The following EFCC1 variants were observed in gnomAD, a reference collection of about 807,000 sequenced individuals.
The protein encoded by EFCC1 is EF-hand and coiled-coil domain containing 1.
In EFCC1, 50 loss-of-function variants were observed where a neutral mutation model predicts 52.1. The ratio of observed to expected loss-of-function variants is 0.96; its 90% CI spans 0.76 to 1.21. The LOEUF is 1.21. Among genes scored for constraint, EFCC1 ranks in the 50% most tolerant of loss-of-function variants. EFCC1 has a pLI of 0.00. For synonymous variants in EFCC1, 399 were observed against 396.5 expected (o/e 1.01, Z -0.08); for missense variants, 837 against 867.3 (o/e 0.97, Z 0.44).
At position 129,031,714 on chromosome 3, in the gene EFCC1, G is replaced by A. The variant is rs900314; in HGVS notation, c.1138+854G>A. ...CAGCTGTCTGGACCCCTGGCCCTGC[G>A]TTGCTCTACAGTGATTCACTTCACA... On this transcript the variant is annotated intron_variant, in intron 3 of 7. Coordinates refer to ENST00000683648, the MANE Select transcript of EFCC1 (RefSeq NM_001377500.1). Among the ~76,000 whole-genome samples, 157 of 152,302 alleles carry A rather than the reference G, an allele frequency of 1.0e-3. 1 individual carries two copies. In the South Asian group the frequency reaches 0.023, roughly 22 times the overall value.
chr3:129,033,181 T>G (rs1419636347), intron 4 of EFCC1, among the ~76,000 whole-genome samples: 1 of 152,186 alleles, frequency 6.6e-6, no homozygotes, highest in African/African-American at 2.4e-5. Context: ...CGTGGCTGGC[T>G]TTAATTCCCA....
At chr3:129,002,494 C>A in intron 1 of EFCC1, 170 bp downstream of exon 1, 1 of 1,273,622 alleles carries the variant, frequency 7.9e-7, no homozygotes, top group Non-Finnish European at 1.0e-6. Flanking sequence ...CTGTTCCTCC[C>A]CATTCCACTC....
chr3:129,004,140 C>T, intron 2 of EFCC1, 63 bp downstream of exon 2: 1 of 1,394,526 alleles, frequency 7.2e-7, no homozygotes, highest in Non-Finnish European at 9.3e-7. Flanking sequence ...TCCCAAACTT[C>T]GGGTGTGCAA....
In EFCC1 at chr3:129,036,365, G is replaced by A. The variant is rs116215047; in HGVS notation, c.1453-612G>A. Among the ~76,000 whole-genome samples, 1,367 of 152,356 alleles carry A rather than the reference G, an allele frequency of 9.0e-3. 8 individuals carry two copies. The highest frequency in any genetic ancestry group is 0.014 in the Non-Finnish European group (958 of 68,024). ...TTCCCTCCATTGGTGCCAGGGGAAG[G>A]GAATGCCTCGTGCCTGGCATGCCTG... On this transcript the variant is annotated intron_variant, in intron 5 of 7. Transcript: ENST00000683648.
In EFCC1 at chr3:129,039,788, G is replaced by A. The variant is rs147920593; in HGVS notation, c.1740G>A (p.Gln580=). The A allele has an allele frequency of 6.8e-4, 1,099 of 1,612,370 alleles. 3 individuals carry two copies. The highest frequency in any genetic ancestry group is 8.0e-4 in the Non-Finnish European group (939 of 1,179,022). The change falls in exon 8 of 8, where the codon CAG becomes CAA. Residue 580 remains glutamine (Q), a synonymous_variant. Transcript: ENST00000683648. Reference sequence around the variant, plus strand: ...CTGCCTGCCAGCTGTTGCGGAGACAGCCCTCGGCACCAGCCTCTGCAGCAG... The same window carrying A: ...CTGCCTGCCAGCTGTTGCGGAGACAACCCTCGGCACCAGCCTCTGCAGCAG... ...ALAACQLLRR[Q]PSAPASAAAA...
intron 1 of EFCC1, chr3:129,003,317 G>C: frequency 1.0e-6 from 1 of 982,624 alleles, no homozygotes; most frequent in African/African-American, 1.7e-5. Context: ...CTATGTGCCA[G>C]GTTTGTTTTA....
Position 129,002,524 on chromosome 3 carries a change from T to TA in EFCC1, c.696+201dup, listed in dbSNP as rs1325272966. ...CCACTCCAGTCCCCAACCCTATTCT[T>TA]ACCACCTATTCCATTCCTGAAAACC... On this transcript the variant is annotated intron_variant, in intron 1 of 7. Coordinates refer to ENST00000683648, the MANE Select transcript of EFCC1 (RefSeq NM_001377500.1). 11 of 1,079,106 alleles carry TA rather than the reference T, an allele frequency of 1.0e-5. No individual in the cohort carries two copies. The African/African-American group carries it at 1.8e-4, about 18-fold the overall frequency. 66.8% of individuals were successfully genotyped at this position (1,079,106 alleles called of 1,614,324 possible).
chr3:129,032,409 A>G (rs533544890), intron 3 of EFCC1, among the ~76,000 whole-genome samples: 1 of 152,100 alleles, frequency 6.6e-6, no homozygotes, highest in African/African-American at 2.4e-5. Flanking sequence ...ACACTTTGGG[A>G]GGCTGAGACA....
At chr3:129,033,005 G>A (rs1420870554) in intron 4 of EFCC1, 39 bp downstream of exon 4, 1 of 1,461,604 alleles carries the variant, frequency 6.8e-7, no homozygotes, top group East Asian at 2.6e-5. Context: ...GTGGGCCGCA[G>A]GCTCCAGAGG....
At chr3:129,021,506 G>A (rs771132970) in intron 2 of EFCC1, among the ~76,000 whole-genome samples, 51 of 152,128 alleles carry the variant, frequency 3.4e-4, no homozygotes, top group Non-Finnish European at 4.7e-4. Flanking sequence ...CCCGGGAGGC[G>A]GAGGTTGTGG....
chr3:129,029,997 C>T (rs1946238415), intron 2 of EFCC1, among the ~76,000 whole-genome samples: 2 of 151,790 alleles, frequency 1.3e-5, no homozygotes, highest in Non-Finnish European at 2.9e-5. Flanking sequence ...CCAGCGGAAG[C>T]AACATGGCAA....
At chr3:129,017,448 C>T (rs952165243) in intron 2 of EFCC1, among the ~76,000 whole-genome samples, 7 of 152,252 alleles carry the variant, frequency 4.6e-5, no homozygotes, top group Admixed American at 3.3e-4. Context: ...TGCACAAGCT[C>T]GCACAAGGCC....
At chr3:129,026,484 A>C (rs891944604) in intron 2 of EFCC1, among the ~76,000 whole-genome samples, 1 of 152,210 alleles carries the variant, frequency 6.6e-6, no homozygotes, top group South Asian at 2.1e-4. Context: ...CTCTGCCAAG[A>C]AGCTCACTGC....
In EFCC1 at chr3:129,001,575, G is replaced by A. The variant is rs1944748924; in HGVS notation, c.-54G>A. The A allele has an allele frequency of 3.0e-6, 4 of 1,347,126 alleles. No individual in the cohort carries two copies. The South Asian group carries it at 7.5e-5, about 25-fold the overall frequency. 83.4% of individuals were successfully genotyped at this position (1,347,126 alleles called of 1,614,324 possible). A position where few individuals can be genotyped will look rare whatever the true frequency, so the allele number is the denominator to read the frequency against. ...AACTCTGGGGCCGCCCCTGGAAGTG[G>A]CGGGGCGAAGGGACCGGAGGAGGGA... On this transcript the variant is annotated 5_prime_UTR_variant, in exon 1 of 8. Coordinates refer to ENST00000683648, the MANE Select transcript of EFCC1 (RefSeq NM_001377500.1).
chr3:129,015,940 G>A (rs771029899), intron 2 of EFCC1, among the ~76,000 whole-genome samples: 6 of 152,242 alleles, frequency 3.9e-5, no homozygotes, highest in African/African-American at 7.2e-5. Flanking sequence ...CAGCGTGGCC[G>A]TGGCCTGATG....
chr3:129,015,434 C>T (rs1263377461), intron 2 of EFCC1, among the ~76,000 whole-genome samples: 2 of 151,742 alleles, frequency 1.3e-5, no homozygotes, highest in South Asian at 2.1e-4. Flanking sequence ...GGGGAGGTTG[C>T]GGGGTAAGCT....
At chr3:129,036,078 C>A (rs1946350558) in intron 5 of EFCC1, among the ~76,000 whole-genome samples, 1 of 152,256 alleles carries the variant, frequency 6.6e-6, no homozygotes, top group African/African-American at 2.4e-5. Flanking sequence ...AGGCACCCCT[C>A]AGGAAAGTCA....
rs1576785187 is a variant in EFCC1, at chr3:129,035,420, CCT to C, written c.1452+1092_1452+1093del. ...AACCAAGGCAGCCACACCACTCCAC[CCT>C]GAGGCCAGGGGTTGAGTCACTGGGG... is the stretch of plus-strand genomic sequence containing the variant. On this transcript the variant is annotated intron_variant, in intron 5 of 7. Coordinates refer to ENST00000683648, the MANE Select transcript of EFCC1 (RefSeq NM_001377500.1). Among the ~76,000 whole-genome samples the C allele has an allele frequency of 3.9e-5, 6 of 152,224 alleles. No individual in the cohort carries two copies. The East Asian group carries it at 1.2e-3, about 29-fold the overall frequency.
chr3:129,027,828 C>T (rs1278809438), intron 2 of EFCC1, among the ~76,000 whole-genome samples: 1 of 152,034 alleles, frequency 6.6e-6, no homozygotes, highest in African/African-American at 2.4e-5. Context: ...GTGGCGGGCG[C>T]CTGTAGTCCC....
Sources: allele counts gnomAD v4.1 joint callset (sites outside exome capture counted in the v4.1 genomes callset), GRCh38; gene constraint gnomAD v4.1.1; transcripts MANE v1.5; gene names NCBI Gene and HGNC (gene_info 2026-07-23, HGNC 2026-07-21).